Variants in GRID1 observed in about 807,000 individuals in gnomAD.
The protein encoded by GRID1 is glutamate ionotropic receptor delta type subunit 1, also known as glutamate receptor ionotropic, delta-1.
In GRID1, 28 loss-of-function variants were observed where a neutral mutation model predicts 98.0. The observed-to-expected ratio is 0.29, with a 90% CI of 0.21 to 0.39. GRID1 has a LOEUF of 0.39. GRID1 is among the 10% of genes least tolerant of loss of function. The pLI is 1.00. For synonymous variants in GRID1, 553 were observed against 538.5 expected, an observed-to-expected ratio of 1.03 and a Z score of -0.37; for missense variants, 1,111 against 1,340.5, an observed-to-expected ratio of 0.83 and a Z score of 2.67.
At chr10:85,774,685 G>C (rs77396727) in intron 8 of GRID1, among the ~76,000 whole-genome samples, 66,703 of 150,516 alleles carry the variant, frequency 0.44, 16,320 homozygotes, top group East Asian at 0.75. Context: ...AGACACTTCT[G>C]AAAAGAAGAC....
chr10:85,881,557 A>C (rs1032037476), intron 5 of GRID1, among the ~76,000 whole-genome samples: 3 of 152,350 alleles, frequency 2.0e-5, no homozygotes, highest in Admixed American at 6.5e-5. Context: ...GTGCTGGGAA[A>C]ACTGGCTAGC....
intron 4 of GRID1, among the ~76,000 whole-genome samples, chr10:86,028,116 C>T (rs1042266186): frequency 6.6e-6 from 1 of 152,184 alleles, no homozygotes; most frequent in African/African-American, 2.4e-5. Flanking sequence ...ATTCACCCAC[C>T]AGGTGTGTGT....
intron 5 of GRID1, among the ~76,000 whole-genome samples, chr10:85,879,479 A>T (rs1840965351): frequency 6.6e-6 from 1 of 152,166 alleles, no homozygotes; most frequent in African/African-American, 2.4e-5. Context: ...ACTCAAAACC[A>T]CTGAACTACA....
chr10:85,710,483 A>G (rs1035781597), intron 12 of GRID1, among the ~76,000 whole-genome samples: 1 of 152,138 alleles, frequency 6.6e-6, no homozygotes, highest in Non-Finnish European at 1.5e-5. Flanking sequence ...AACTGGCTCA[A>G]AGATTTAAAT....
chr10:86,047,477 T>C (rs1018470947), intron 4 of GRID1, among the ~76,000 whole-genome samples: 3 of 152,242 alleles, frequency 2.0e-5, no homozygotes, highest in Non-Finnish European at 4.4e-5. Flanking sequence ...TTGTTGCTAA[T>C]AGGGTGGTGT....
chr10:86,006,994 G>A (rs762256601), intron 4 of GRID1, among the ~76,000 whole-genome samples: 6 of 152,066 alleles, frequency 3.9e-5, no homozygotes, highest in Middle Eastern at 3.2e-3. Flanking sequence ...AATCCCCGTC[G>A]TCCTTGGGCG....
intron 2 of GRID1, among the ~76,000 whole-genome samples, chr10:86,264,208 G>C (rs1455276842): frequency 6.6e-6 from 1 of 152,102 alleles, no homozygotes; most frequent in Non-Finnish European, 1.5e-5. Context: ...CAACAGGTGA[G>C]ACCCATGACC....
At chr10:85,980,177 C>T (rs561784581) in intron 4 of GRID1, among the ~76,000 whole-genome samples, 1 of 152,358 alleles carries the variant, frequency 6.6e-6, no homozygotes, top group South Asian at 2.1e-4. Flanking sequence ...ACCCGTCAGA[C>T]CCCAGCTGGA....
intron 8 of GRID1, among the ~76,000 whole-genome samples, chr10:85,740,260 G>A (rs1251878472): frequency 1.3e-5 from 2 of 152,116 alleles, no homozygotes; most frequent in African/African-American, 4.8e-5. Flanking sequence ...TTTGTTCTCT[G>A]GGCTCAAGTG....
chr10:86,061,963 AGCCCAT>A (rs1418957815), intron 4 of GRID1, among the ~76,000 whole-genome samples: 2 of 152,184 alleles, frequency 1.3e-5, no homozygotes, highest in Admixed American at 1.3e-4. Context: ...AGAAACTAAG[AGCCCAT>A]GACTGTATTC....
At chr10:86,032,816 A>G (rs1474246824) in intron 4 of GRID1, among the ~76,000 whole-genome samples, 2 of 137,150 alleles carry the variant, frequency 1.5e-5, no homozygotes, top group Non-Finnish European at 3.1e-5. Flanking sequence ...CCCAAGAATG[A>G]TCAATAAATA....
chr10:85,838,024 G>C (rs577102286), intron 8 of GRID1, among the ~76,000 whole-genome samples: 4 of 152,212 alleles, frequency 2.6e-5, no homozygotes, highest in African/African-American at 7.2e-5. Context: ...GCAATCACAA[G>C]TATTAATAGC....
At chr10:85,803,381 G>A (rs1842594803) in intron 8 of GRID1, among the ~76,000 whole-genome samples, 1 of 151,710 alleles carries the variant, frequency 6.6e-6, no homozygotes, top group South Asian at 2.1e-4. Flanking sequence ...CTAAAAATAC[G>A]ATTAATTTAT....
chr10:85,717,888 G>T (rs2132644385), intron 12 of GRID1, among the ~76,000 whole-genome samples: 1 of 151,140 alleles, frequency 6.6e-6, no homozygotes, highest in South Asian at 2.1e-4. Flanking sequence ...GGGGTTACAG[G>T]GCCCATGCAA....
At chr10:85,939,648 CG>C (rs1564631475) in intron 4 of GRID1, among the ~76,000 whole-genome samples, 2 of 152,146 alleles carry the variant, frequency 1.3e-5, no homozygotes, top group South Asian at 4.2e-4. Context: ...GATTCCATTG[CG>C]CCCACCTGGA....
chr10:86,183,366 AT>A, intron 3 of GRID1, among the ~76,000 whole-genome samples: 1 of 151,730 alleles, frequency 6.6e-6, no homozygotes, highest in Non-Finnish European at 1.5e-5. Context: ...TTATTTATTT[AT>A]TTATTTATTG....
At chr10:85,794,621 T>C (rs1363287478) in intron 8 of GRID1, among the ~76,000 whole-genome samples, 1 of 152,244 alleles carries the variant, frequency 6.6e-6, no homozygotes, top group Non-Finnish European at 1.5e-5. Context: ...AAGTGTTGTT[T>C]CTCTCAATCT....
chr10:86,193,975 G>C (rs1845839816), intron 3 of GRID1, among the ~76,000 whole-genome samples: 1 of 152,088 alleles, frequency 6.6e-6, no homozygotes, highest in Non-Finnish European at 1.5e-5. Flanking sequence ...CTGGTTCTCT[G>C]ATTTTGGATT....
chr10:85,741,722 A>G (rs555314272), intron 8 of GRID1, among the ~76,000 whole-genome samples: 1 of 152,056 alleles, frequency 6.6e-6, no homozygotes, highest in Non-Finnish European at 1.5e-5. Context: ...GTGGTTTTCA[A>G]CTACAGTTGG....
Sources: allele counts gnomAD v4.1 joint callset (sites outside exome capture counted in the v4.1 genomes callset), GRCh38; gene constraint gnomAD v4.1.1; transcripts MANE v1.5; gene names NCBI Gene and HGNC (gene_info 2026-07-23, HGNC 2026-07-21).